The following SNRK variants were observed in gnomAD, a reference collection of about 807,000 sequenced individuals.
SNRK encodes the protein SNF-related serine/threonine-protein kinase.
Under a neutral mutation model 48.2 loss-of-function variants are expected in SNRK, and 3 were observed. The ratio of observed to expected loss-of-function variants is 0.06; its 90% CI spans 0.03 to 0.16. SNRK has a LOEUF of 0.16. Ranked by LOEUF, SNRK falls within the 10% of genes least tolerant of loss-of-function variation. SNRK has a pLI of 1.00. For missense variants in SNRK, 627 were observed against 976.0 expected (o/e 0.64, Z 4.76); for synonymous variants, 376 against 366.1 (o/e 1.03, Z -0.31).
intron 1 of SNRK, among the ~76,000 whole-genome samples, chr3:43,288,735 A>G (rs941404771): frequency 3.3e-5 from 5 of 152,342 alleles, no homozygotes; most frequent in East Asian, 1.9e-4. Context: ...TGAACTTTCC[A>G]TAGGCCAGAA....
chr3:43,305,786 A>T (rs1166804761), intron 3 of SNRK, among the ~76,000 whole-genome samples: 1 of 152,144 alleles, frequency 6.6e-6, no homozygotes, highest in Admixed American at 6.5e-5. Context: ...CACCCAGCCA[A>T]CATTTATATA....
intron 3 of SNRK, among the ~76,000 whole-genome samples, chr3:43,308,394 G>A (rs1018498466): frequency 1.3e-5 from 2 of 152,204 alleles, no homozygotes; most frequent in African/African-American, 4.8e-5. Flanking sequence ...AGAAGTCAAT[G>A]CCTGGTTTCA....
At position 43,347,988 on chromosome 3, in the gene SNRK, G is replaced by C; in HGVS notation, c.1729G>C (p.Glu577Gln). Residue 577 changes from glutamate (E) to glutamine (Q), a missense_variant, in exon 7 of 7, where the codon GAG becomes CAG. This residue lies in a region of SNRK where 98 missense variants were observed against 175.2 expected (regional missense o/e 0.56). Transcript: ENST00000296088. The surrounding 1 kb of genome is among the most constrained non-coding windows in gnomAD (Gnocchi z 5.4). ...TAGCAGCGAGGGGCCCCCTGGCAGTGAGGGGGATGGCGGGGGCCAGAGCAA... is the reference window on the plus strand; with the variant it reads ...TAGCAGCGAGGGGCCCCCTGGCAGTCAGGGGGATGGCGGGGGCCAGAGCAA... ...RDSSEGPPGS[E>Q]GDGGGQSKPS... The C allele has an allele frequency of 6.2e-7, 1 of 1,613,854 alleles. No individual in the cohort carries two copies.
chr3:43,315,854 T>G (rs757427664), intron 3 of SNRK, among the ~76,000 whole-genome samples: 4 of 152,194 alleles, frequency 2.6e-5, no homozygotes, highest in African/African-American at 9.7e-5. Context: ...AAATGAAATG[T>G]CACATACTCT....
chr3:43,331,530 T>C (rs2091146171), intron 3 of SNRK, among the ~76,000 whole-genome samples: 1 of 152,220 alleles, frequency 6.6e-6, no homozygotes, highest in Admixed American at 6.5e-5. Context: ...ACTCACTGCC[T>C]TTTCTGGTAT....
chr3:43,339,659 T>C (rs1242418849), intron 4 of SNRK, among the ~76,000 whole-genome samples: 1 of 150,700 alleles, frequency 6.6e-6, no homozygotes, highest in Non-Finnish European at 1.5e-5. Flanking sequence ...CTACCAAAAA[T>C]ACAAAACTTA....
intron 4 of SNRK, chr3:43,333,249 C>T (rs1256235217): frequency 6.7e-6 from 1 of 149,794 alleles, no homozygotes; most frequent in Non-Finnish European, 1.5e-5. Context: ...GTTCCAGCTA[C>T]TCAGGAGGCT....
Position 43,312,011 on chromosome 3 carries a change from C to T in SNRK, c.589+8219C>T, listed in dbSNP as rs947103885. Among the ~76,000 whole-genome samples the T allele has an allele frequency of 3.8e-4, 58 of 152,048 alleles. 1 individual carries two copies. The highest frequency in any genetic ancestry group is 1.3e-4 in the Non-Finnish European group (9 of 67,972). ...ACCTTTTTCTACTTTCCTAAAAATT[C>T]TTATTTTCAAGTTAAAATGAGTTAA... On this transcript the variant is annotated intron_variant, in intron 3 of 6. Coordinates refer to ENST00000296088, the MANE Select transcript of SNRK (RefSeq NM_017719.5).
intron 3 of SNRK, among the ~76,000 whole-genome samples, chr3:43,327,661 C>G (rs1424939852): frequency 1.3e-5 from 2 of 151,868 alleles, no homozygotes; most frequent in Non-Finnish European, 2.9e-5. Flanking sequence ...GTCCTGAAGT[C>G]CCCTCCCCAC....
chr3:43,347,830 A>G lies in SNRK; in HGVS notation c.1571A>G (p.Lys524Arg), dbSNP rs1386427589. 5.6e-6 allele frequency: 9 copies of G among 1,614,188 alleles called. No homozygotes were observed. The highest frequency in any genetic ancestry group is 7.6e-6 in the Non-Finnish European group (9 of 1,180,028). Residue 524 changes from lysine (K) to arginine (R), a missense_variant, in exon 7 of 7, where the codon AAA becomes AGA. Lys to Arg is a conservative substitution (Grantham distance 26). This residue lies in a region of SNRK where 98 missense variants were observed against 175.2 expected (regional missense o/e 0.56). Transcript: ENST00000296088. This position sits in a 1 kb window ranked among gnomAD's most constrained non-coding sequence, Gnocchi z 5.4. Reference protein sequence around the residue: ...MNIASPGTVHKRYHRRKSQGR... With the variant: ...MNIASPGTVHRRYHRRKSQGR... Reference sequence around the variant, plus strand: ...ATAGCTTCTCCAGGTACAGTTCACAAACGCTACCACCGGAGGAAAAGTCAG... The same window carrying G: ...ATAGCTTCTCCAGGTACAGTTCACAGACGCTACCACCGGAGGAAAAGTCAG...
intron 3 of SNRK, among the ~76,000 whole-genome samples, chr3:43,319,006 C>T (rs540291351): frequency 1.2e-3 from 180 of 147,366 alleles, no homozygotes; most frequent in African/African-American, 4.3e-3. Context: ...CCAGCCTGGG[C>T]GACAAAGCGA....
At chr3:43,299,620 A>G (rs1356652549) in intron 1 of SNRK, 134 bp from the exon 2 acceptor site, 1 of 152,638 alleles carries the variant, frequency 6.6e-6, no homozygotes, top group Non-Finnish European at 1.5e-5. Flanking sequence ...ATAATAGGAG[A>G]CTGGGTTACT....
rs2090910229 is a variant in SNRK at position 43,303,075 on chromosome 3, T to C, written c.-106-23T>C. On this transcript the variant is annotated intron_variant, in intron 2 of 6. Transcript: ENST00000296088. This position sits in a 1 kb window ranked among gnomAD's most constrained non-coding sequence, Gnocchi z 6.2. ...GAAGAAAAGTCGCAGAAACTTAATT[T>C]TGTTTCTCTTCTTATTTTGTAGATA... 5.2e-6 allele frequency: 3 copies of C among 582,124 alleles called. No homozygotes were observed. Among genetic ancestry groups the C allele is most frequent in the Non-Finnish European group, 8.3e-6 (3 of 359,304 alleles). 36.1% of individuals were successfully genotyped at this position (582,124 alleles called of 1,614,324 possible). A position where few individuals can be genotyped will look rare whatever the true frequency, so the allele number is the denominator to read the frequency against.
intron 6 of SNRK, among the ~76,000 whole-genome samples, chr3:43,345,718 C>G (rs1161528683): frequency 6.6e-6 from 1 of 152,142 alleles, no homozygotes; most frequent in African/African-American, 2.4e-5. Flanking sequence ...TGTGGCTTAG[C>G]TGAAAGGAGT....
In SNRK at chr3:43,317,415, A is replaced by T. The variant is rs368466991; in HGVS notation, c.589+13623A>T. Among the ~76,000 whole-genome samples the T allele has an allele frequency of 5.3e-5, 8 of 152,304 alleles. No homozygotes were observed. In the South Asian group the frequency reaches 1.4e-3, roughly 28 times the overall value. On this transcript the variant is annotated intron_variant, in intron 3 of 6. Transcript: ENST00000296088. ...GAGAATTCCTTGGGTCAGCAGACTGAGGTAGCAGTTTCAGGTAACCCTTAC... is the reference window on the plus strand; with the variant it reads ...GAGAATTCCTTGGGTCAGCAGACTGTGGTAGCAGTTTCAGGTAACCCTTAC...
intron 3 of SNRK, among the ~76,000 whole-genome samples, chr3:43,304,409 G>C (rs1380567845): frequency 2.0e-5 from 3 of 152,174 alleles, no homozygotes; most frequent in African/African-American, 7.2e-5. Flanking sequence ...GAGGCTTTCT[G>C]TATGGTGGAT....
intron 6 of SNRK, among the ~76,000 whole-genome samples, chr3:43,345,891 C>A (rs2091271775): frequency 6.6e-6 from 1 of 152,192 alleles, no homozygotes. Context: ...TGCCCCAGTA[C>A]ATTCGTATGG....
At chr3:43,339,919 T>G (rs2091222301) in intron 4 of SNRK, among the ~76,000 whole-genome samples, 1 of 141,166 alleles carries the variant, frequency 7.1e-6, no homozygotes, top group African/African-American at 2.6e-5. Flanking sequence ...ATCATTCATT[T>G]TTTTCTGAAA....
At chr3:43,302,493 G>T (rs2090904944) in intron 2 of SNRK, among the ~76,000 whole-genome samples, 1 of 152,154 alleles carries the variant, frequency 6.6e-6, no homozygotes, top group East Asian at 1.9e-4. Flanking sequence ...CTGAGAACCT[G>T]CTACTGTCAG....
Sources: gnomAD v4.1 joint callset for allele counts (sites outside exome capture counted in the v4.1 genomes callset) on GRCh38, gnomAD v4.1.1 for gene constraint, gnomAD v4.1.1 regional missense constraint, Gnocchi (gnomAD v3.1) non-coding constraint, MANE v1.5 for transcripts, NCBI Gene and HGNC (gene_info 2026-07-23, HGNC 2026-07-21) for gene names.